The following CDKAL1 variants were observed in gnomAD, a reference collection of about 807,000 sequenced individuals.
CDKAL1 encodes threonylcarbamoyladenosine tRNA methylthiotransferase.
In CDKAL1, 32 loss-of-function variants were observed where a neutral mutation model predicts 68.2. The ratio of observed to expected loss-of-function variants is 0.47; its 90% confidence interval spans 0.35 to 0.63. The LOEUF (loss-of-function observed/expected upper bound fraction) is 0.63. Ranked by LOEUF, CDKAL1 falls within the 30% of genes least tolerant of loss-of-function variation. The pLI is 0.00. For synonymous variants in CDKAL1, 234 were observed against 244.3 expected, an observed-to-expected ratio of 0.96 and a Z score of 0.39; for missense variants, 606 against 696.7, an observed-to-expected ratio of 0.87 and a Z score of 1.47.
chr6:20,968,183 G>C (rs1028137673), intron 10 of CDKAL1, among the ~76,000 whole-genome samples: 3 of 148,042 alleles, frequency 2.0e-5, no homozygotes, highest in Non-Finnish European at 4.5e-5. Flanking sequence ...TTTTGGACCA[G>C]GGTCTCACTG....
intron 15 of CDKAL1, among the ~76,000 whole-genome samples, chr6:21,222,225 AAAATTTTTGTTCATG>A (rs2151125426): frequency 6.6e-6 from 1 of 152,284 alleles, no homozygotes; most frequent in South Asian, 2.1e-4. Flanking sequence ...GTTCAAGTTT[AAAATTTTTGTTCATG>A]ATTGTAATGA....
chr6:20,629,714 T>C (rs1315737607), intron 4 of CDKAL1, among the ~76,000 whole-genome samples: 1 of 152,108 alleles, frequency 6.6e-6, no homozygotes, highest in Non-Finnish European at 1.5e-5. Flanking sequence ...TGCCTTGTCA[T>C]GCAGATGCCC....
intron 15 of CDKAL1, among the ~76,000 whole-genome samples, chr6:21,213,216 A>T (rs1779224438): frequency 6.6e-6 from 1 of 152,206 alleles, no homozygotes; most frequent in African/African-American, 2.4e-5. Flanking sequence ...TGGGAGGAAT[A>T]GAGTCCATTT....
intron 13 of CDKAL1, among the ~76,000 whole-genome samples, chr6:21,173,860 A>G (rs1327356935): frequency 6.6e-6 from 1 of 152,230 alleles, no homozygotes; most frequent in Non-Finnish European, 1.5e-5. Flanking sequence ...CCTTGAGGAC[A>G]GGAGTTCAAG....
intron 5 of CDKAL1, among the ~76,000 whole-genome samples, chr6:20,678,675 A>G (rs973443693): frequency 6.6e-6 from 1 of 152,174 alleles, no homozygotes; most frequent in African/African-American, 2.4e-5. Flanking sequence ...CCAAGAACCT[A>G]TTGATGGCAT....
chr6:21,055,073 G>A (rs1770753985), intron 11 of CDKAL1, among the ~76,000 whole-genome samples: 1 of 152,068 alleles, frequency 6.6e-6, no homozygotes, highest in Admixed American at 6.5e-5. Context: ...ATGAATGGGT[G>A]TTTGATTTGT....
In CDKAL1 at chr6:21,225,094, G is replaced by A. The variant is rs1378045608; in HGVS notation, c.1549-5754G>A. Among the ~76,000 whole-genome samples the A allele has an allele frequency of 3.9e-5, 6 of 152,180 alleles. No individual in the cohort carries two copies. The East Asian group carries it at 5.8e-4, about 15-fold the overall frequency. On this transcript the variant is annotated intron_variant, in intron 15 of 15. Coordinates refer to ENST00000274695, the MANE Select transcript of CDKAL1 (RefSeq NM_017774.3). The stretch of plus-strand genomic sequence containing the variant: ...GGCCACCCCTGCTCAGAAGGAGCAC[G>A]CTTAGGGTGATGCAGGAGCCAGGAT...
intron 4 of CDKAL1, among the ~76,000 whole-genome samples, chr6:20,640,318 T>A (rs992235731): frequency 6.6e-6 from 1 of 152,226 alleles, no homozygotes; most frequent in Non-Finnish European, 1.5e-5. Context: ...TTTGTGTTGT[T>A]TCTTGGGTTG....
chr6:20,932,433 A>G (rs1468353070), intron 9 of CDKAL1, among the ~76,000 whole-genome samples: 1 of 152,176 alleles, frequency 6.6e-6, no homozygotes, highest in Non-Finnish European at 1.5e-5. Context: ...TCTGAAGCAC[A>G]GTAGCACTTC....
chr6:20,622,974 T>C (rs5028948), intron 4 of CDKAL1, among the ~76,000 whole-genome samples: 73,847 of 151,812 alleles, frequency 0.49, 18,154 homozygotes, highest in East Asian at 0.64. Context: ...CTTTTCTTTG[T>C]CAGGCTTTTT....
At chr6:20,997,438 T>C (rs992493849) in intron 10 of CDKAL1, among the ~76,000 whole-genome samples, 4 of 151,938 alleles carry the variant, frequency 2.6e-5, no homozygotes, top group Non-Finnish European at 5.9e-5. Context: ...GGGGCAAGTG[T>C]ATTTTTATTT....
chr6:20,649,173 G>A, intron 4 of CDKAL1, 120 bp from the exon 5 acceptor site: 1 of 669,766 alleles, frequency 1.5e-6, no homozygotes. Flanking sequence ...TGTTGTAATT[G>A]CCTGTTCATT....
intron 13 of CDKAL1, among the ~76,000 whole-genome samples, chr6:21,141,904 C>T (rs1337597989): frequency 6.6e-6 from 1 of 152,142 alleles, no homozygotes; most frequent in Non-Finnish European, 1.5e-5. Context: ...AGGAATTTGA[C>T]AGAATAATTT....
At chr6:20,799,102 G>A (rs1479633406) in intron 8 of CDKAL1, among the ~76,000 whole-genome samples, 2 of 122,844 alleles carry the variant, frequency 1.6e-5, no homozygotes, top group Non-Finnish European at 3.2e-5. Context: ...GCTCAGGCTG[G>A]AGTGCAATGG....
At chr6:20,897,732 C>T in intron 9 of CDKAL1, among the ~76,000 whole-genome samples, 1 of 152,044 alleles carries the variant, frequency 6.6e-6, no homozygotes, top group Non-Finnish European at 1.5e-5. Context: ...TATTATCTCT[C>T]AGTGGTGGGA....
chr6:20,696,873 C>T (rs1015639880), intron 5 of CDKAL1, among the ~76,000 whole-genome samples: 5 of 152,038 alleles, frequency 3.3e-5, no homozygotes, highest in African/African-American at 9.7e-5. Context: ...TTTTGTATGA[C>T]GTGTTCGGTA....
At chr6:21,093,894 C>CTTTTT (rs33945169) in intron 12 of CDKAL1, among the ~76,000 whole-genome samples, 7 of 111,062 alleles carry the variant, frequency 6.3e-5, no homozygotes, top group Admixed American at 1.0e-4. Flanking sequence ...CCACACCTGG[C>CTTTTT]TTTTTTTTTT....
At chr6:20,642,735 C>T (rs531005718) in intron 4 of CDKAL1, among the ~76,000 whole-genome samples, 3 of 152,228 alleles carry the variant, frequency 2.0e-5, no homozygotes, top group African/African-American at 7.2e-5. Context: ...GAGAATTTAT[C>T]CTCTGACCCC....
chr6:20,713,714 A>G (rs1163272675), intron 5 of CDKAL1, among the ~76,000 whole-genome samples: 1 of 151,946 alleles, frequency 6.6e-6, no homozygotes, highest in Non-Finnish European at 1.5e-5. Flanking sequence ...TGTTAAAAAC[A>G]AAACAACATC....
Sources: allele counts gnomAD v4.1 joint callset (sites outside exome capture counted in the v4.1 genomes callset), GRCh38; gene constraint gnomAD v4.1.1; transcripts MANE v1.5; gene names NCBI Gene and HGNC (gene_info 2026-07-23, HGNC 2026-07-21).